SLC25A12: variants seen among roughly 807,000 people sequenced by gnomAD.
The protein encoded by SLC25A12 is solute carrier family 25 member 12.
In SLC25A12, 32 loss-of-function variants were observed where a neutral mutation model predicts 83.3. That is an observed-to-expected ratio of 0.38 (90% CI 0.29 to 0.52). The LOEUF is 0.52. Among genes scored for constraint, SLC25A12 ranks in the 20% least tolerant of loss-of-function variants. SLC25A12 has a pLI of 0.84. For synonymous variants in SLC25A12, 267 were observed against 291.1 expected (o/e 0.92, Z 0.84); for missense variants, 611 against 835.6 (o/e 0.73, Z 3.31).
At chr2:171,884,150 G>A (rs1437790148) in intron 2 of SLC25A12, among the ~76,000 whole-genome samples, 4 of 149,436 alleles carry the variant, frequency 2.7e-5, no homozygotes, top group Non-Finnish European at 5.9e-5. Flanking sequence ...AAAGAGGTGG[G>A]ATTACAGGAA....
chr2:171,859,766 A>T (rs548003268), intron 3 of SLC25A12, among the ~76,000 whole-genome samples: 1 of 148,430 alleles, frequency 6.7e-6, no homozygotes. Flanking sequence ...GGATACAACA[A>T]TTTTTTTTTT....
At chr2:171,808,282 C>G (rs1178305177) in intron 13 of SLC25A12, among the ~76,000 whole-genome samples, 1 of 139,040 alleles carries the variant, frequency 7.2e-6, no homozygotes, top group African/African-American at 2.7e-5. Flanking sequence ...CTGTCAATAG[C>G]TGAAATGTAG....
intron 3 of SLC25A12, among the ~76,000 whole-genome samples, chr2:171,860,570 C>T (rs960118958): frequency 6.6e-6 from 1 of 152,086 alleles, no homozygotes; most frequent in Non-Finnish European, 1.5e-5. Context: ...CCACTGCACT[C>T]CAGCCTGAGT....
chr2:171,891,923 C>T (rs999989637), intron 2 of SLC25A12, among the ~76,000 whole-genome samples: 6 of 152,220 alleles, frequency 3.9e-5, no homozygotes, highest in Non-Finnish European at 7.3e-5. Flanking sequence ...TATGTATGCT[C>T]AACTACGCAG....
chr2:171,824,509 C>T (rs1684258035), intron 9 of SLC25A12, among the ~76,000 whole-genome samples: 1 of 152,120 alleles, frequency 6.6e-6, no homozygotes, highest in Non-Finnish European at 1.5e-5. Flanking sequence ...ATTAAGGAAA[C>T]CTCCAGGGAG....
intron 2 of SLC25A12, among the ~76,000 whole-genome samples, chr2:171,880,664 G>A (rs189091098): frequency 2.0e-5 from 3 of 152,198 alleles, no homozygotes. Context: ...CCATCAGCCA[G>A]AGAGTTTGCA....
chr2:171,857,711 GT>G (rs1685075226), intron 3 of SLC25A12, among the ~76,000 whole-genome samples: 1 of 151,124 alleles, frequency 6.6e-6, no homozygotes, highest in Non-Finnish European at 1.5e-5. Flanking sequence ...AAATAAAAAT[GT>G]TAAAAGGAAA....
intron 3 of SLC25A12, among the ~76,000 whole-genome samples, chr2:171,861,472 T>G (rs1299345674): frequency 6.6e-6 from 1 of 152,180 alleles, no homozygotes; most frequent in African/African-American, 2.4e-5. Flanking sequence ...AATGGTGCAA[T>G]CAGAGCTCAC....
intron 4 of SLC25A12, among the ~76,000 whole-genome samples, chr2:171,851,867 G>A (rs1684941547): frequency 6.6e-6 from 1 of 152,150 alleles, no homozygotes; most frequent in African/African-American, 2.4e-5. Context: ...ATGCATGGCA[G>A]CTACTGACAA....
intron 15 of SLC25A12, among the ~76,000 whole-genome samples, chr2:171,789,753 G>C (rs954522411): frequency 6.6e-6 from 1 of 152,124 alleles, no homozygotes; most frequent in Non-Finnish European, 1.5e-5. Context: ...AATTGGCCAG[G>C]CATGGTGGTA....
chr2:171,851,171 AAC>A (rs1684919214), intron 4 of SLC25A12, among the ~76,000 whole-genome samples: 1 of 152,022 alleles, frequency 6.6e-6, no homozygotes, highest in African/African-American at 2.4e-5. Flanking sequence ...GTTAACAGAC[AAC>A]AGTTTGTTGT....
chr2:171,814,631 C>T (rs937860831), intron 10 of SLC25A12, among the ~76,000 whole-genome samples: 14 of 151,996 alleles, frequency 9.2e-5, no homozygotes, highest in Non-Finnish European at 1.8e-4. Context: ...TTTTCTGCTC[C>T]CCTCCTTCCT....
chr2:171,834,109 A>G lies in SLC25A12; in HGVS notation c.752-53T>C, dbSNP rs911980200. The stretch of plus-strand genomic sequence containing the variant: ...TCTTGAATGATTCTTAATATATAAC[A>G]AAGTTCTACCTTCACCAACTATAAT... On this transcript the variant is annotated intron_variant, in intron 7 of 17. Coordinates refer to ENST00000422440, the MANE Select transcript of SLC25A12 (RefSeq NM_003705.5). 11 of 1,006,236 alleles carry G rather than the reference A, an allele frequency of 1.1e-5. No individual in the cohort carries two copies. In the African/African-American group the frequency reaches 1.1e-4, roughly 10 times the overall value. The allele number at this position is 1,006,236 out of a possible 1,614,324, so 62.3% of individuals were successfully genotyped here.
At chr2:171,833,863 T>C in intron 8 of SLC25A12, 100 bp downstream of exon 8, 2 of 747,780 alleles carry the variant, frequency 2.7e-6, no homozygotes, top group Non-Finnish European at 4.8e-6. Flanking sequence ...TTCAAATACA[T>C]GGAAAAAACT....
intron 2 of SLC25A12, among the ~76,000 whole-genome samples, chr2:171,883,491 A>C (rs1685739403): frequency 6.6e-6 from 1 of 152,208 alleles, no homozygotes; most frequent in South Asian, 2.1e-4. Context: ...TAGGAACTCT[A>C]TAGACAGGAG....
chr2:171,860,601 CACAACAAACAACA>C (rs1342235770), intron 3 of SLC25A12, among the ~76,000 whole-genome samples: 1 of 151,930 alleles, frequency 6.6e-6, no homozygotes, highest in Non-Finnish European at 1.5e-5. Flanking sequence ...CACTCTGTCT[CACAACAAACAACA>C]ACAACAAAAA....
rs139682405 is a variant in SLC25A12, at chr2:171,796,726, C to T, written c.1306-2959G>A. ...ACATAAGGCAAATACTTTCCAGAAA[C>T]GCTGAATAATTTTAGCAAAGATAAA... On this transcript the variant is annotated intron_variant, in intron 13 of 17. Transcript: ENST00000422440. Among the ~76,000 whole-genome samples, 105 of 152,010 alleles carry T rather than the reference C, an allele frequency of 6.9e-4. 1 individual carries two copies. The East Asian group carries it at 0.013, about 19-fold the overall frequency.
At position 171,826,799 on chromosome 2, in the gene SLC25A12, T is replaced by C; in HGVS notation, c.929A>G (p.Gln310Arg). 6.4e-7 allele frequency: 1 copy of C among 1,556,698 alleles called. No homozygotes were observed. Among genetic ancestry groups the C allele is most frequent in the Non-Finnish European group, 8.9e-7 (1 of 1,127,586 alleles). ...LPYNLAELQR[Q>R]QSPGLGRPIW... ...TCATATTTATGAGATTACTCATACC[T>C]GTCTCTGAAGTTCTGCCAGGTTGTA... The change falls in exon 9 of 18, where the codon CAG (glutamine) becomes CGG (arginine). Residue 310 changes from glutamine to arginine, a missense_variant and splice_region_variant. By Grantham distance (43) the Gln-to-Arg change is conservative (BLOSUM62 1). This residue lies in a region of SLC25A12 where 540 missense variants were observed against 777.5 expected (regional missense o/e 0.69). Coordinates refer to ENST00000422440, the MANE Select transcript of SLC25A12 (RefSeq NM_003705.5).
intron 4 of SLC25A12, chr2:171,845,885 T>A (rs1684787624): frequency 2.2e-6 from 1 of 450,476 alleles, no homozygotes; most frequent in African/African-American, 2.0e-5. Flanking sequence ...ACTTCAAAGT[T>A]TTCAATAGGT....
Sources: gnomAD v4.1 joint callset for allele counts (sites outside exome capture counted in the v4.1 genomes callset) on GRCh38, gnomAD v4.1.1 for gene constraint, gnomAD v4.1.1 regional missense constraint, MANE v1.5 for transcripts, NCBI Gene and HGNC (gene_info 2026-07-23, HGNC 2026-07-21) for gene names.